ZBTB7C: variants seen among roughly 807,000 people sequenced by gnomAD.
The protein encoded by ZBTB7C is zinc finger and BTB domain-containing protein 7C.
ZBTB7C carries 8 observed loss-of-function variants against 25.7 expected under a neutral mutation model. The observed-to-expected ratio is 0.31, with a 90% CI of 0.18 to 0.56. ZBTB7C has a LOEUF of 0.56. Ranked by LOEUF, ZBTB7C falls within the 20% of genes least tolerant of loss-of-function variation. ZBTB7C has a pLI of 0.91. For synonymous variants in ZBTB7C, 394 were observed against 369.0 expected (o/e 1.07, Z -0.78); for missense variants, 824 against 855.2 (o/e 0.96, Z 0.46).
intron 3 of ZBTB7C, among the ~76,000 whole-genome samples, chr18:48,091,780 C>T (rs1351727367): frequency 6.6e-6 from 1 of 152,178 alleles, no homozygotes; most frequent in Non-Finnish European, 1.5e-5. Context: ...CTCTGCCCAT[C>T]TCACCCACTG....
intron 3 of ZBTB7C, among the ~76,000 whole-genome samples, chr18:48,160,600 A>G (rs2040978539): frequency 6.6e-6 from 1 of 152,240 alleles, no homozygotes; most frequent in Non-Finnish European, 1.5e-5. Context: ...GATCTATTAA[A>G]TAACATCCCT....
chr18:48,052,649 G>A (rs559269879), intron 3 of ZBTB7C, among the ~76,000 whole-genome samples: 2 of 152,282 alleles, frequency 1.3e-5, no homozygotes, highest in South Asian at 2.1e-4. Flanking sequence ...AGGCTGGGAA[G>A]TACCCAGGTG....
chr18:48,338,846 G>A (rs897775855), intron 1 of ZBTB7C, among the ~76,000 whole-genome samples: 1 of 151,154 alleles, frequency 6.6e-6, no homozygotes, highest in Non-Finnish European at 1.5e-5. Context: ...ACGTTTATGT[G>A]GAACATTCCT....
intron 2 of ZBTB7C, among the ~76,000 whole-genome samples, chr18:48,271,199 G>A (rs1244163802): frequency 6.6e-6 from 1 of 152,120 alleles, no homozygotes; most frequent in Non-Finnish European, 1.5e-5. Context: ...AAAGCAAACT[G>A]TCTCAGAGAA....
At chr18:48,092,891 A>G (rs2038471955) in intron 3 of ZBTB7C, among the ~76,000 whole-genome samples, 1 of 152,336 alleles carries the variant, frequency 6.6e-6, no homozygotes, top group East Asian at 1.9e-4. Context: ...AGGCTGATAG[A>G]TCAAACTTTT....
At chr18:48,339,871 C>CCGCTT (rs1458800670) in intron 1 of ZBTB7C, among the ~76,000 whole-genome samples, 9 of 152,124 alleles carry the variant, frequency 5.9e-5, no homozygotes, top group African/African-American at 2.2e-4. Flanking sequence ...AAGAAATTGG[C>CCGCTT]TGCGATAAAC....
chr18:48,336,735 C>T (rs2046466423), intron 2 of ZBTB7C, among the ~76,000 whole-genome samples: 1 of 152,192 alleles, frequency 6.6e-6, no homozygotes, highest in Non-Finnish European at 1.5e-5. Flanking sequence ...CCTCACCCAC[C>T]TACCTCCAGG....
At chr18:48,253,966 C>T (rs2043945459) in intron 2 of ZBTB7C, among the ~76,000 whole-genome samples, 1 of 152,120 alleles carries the variant, frequency 6.6e-6, no homozygotes, top group Non-Finnish European at 1.5e-5. Flanking sequence ...ATCCTAAATT[C>T]CAGCAAAACA....
intron 3 of ZBTB7C, among the ~76,000 whole-genome samples, chr18:48,146,406 ATT>A (rs2040498422): frequency 6.6e-6 from 1 of 152,210 alleles, no homozygotes; most frequent in South Asian, 2.1e-4. Context: ...AGTTTATATA[ATT>A]TTGGCTACTT....
chr18:48,029,262 AGTT>A lies in ZBTB7C; in HGVS notation c.1855_1857del (p.Asn619del). 6.5e-7 allele frequency: 1 copy of A among 1,537,556 alleles called. No individual in the cohort carries two copies. The highest frequency in any genetic ancestry group is 8.7e-7 in the Non-Finnish European group (1 of 1,148,996). The stretch of plus-strand genomic sequence containing the variant: ...GGCTGGAGCCGACAGGGACCAGCCT[AGTT>A]GTTGGCTTCGGACATGGAGGCCACG... On this transcript the variant is annotated inframe_deletion, in exon 5 of 5. Coordinates refer to ENST00000590800, the MANE Select transcript of ZBTB7C (RefSeq NM_001318841.2).
At chr18:48,179,117 T>G (rs76389262) in intron 3 of ZBTB7C, among the ~76,000 whole-genome samples, 4,799 of 152,312 alleles carry the variant, frequency 0.032, 110 homozygotes, top group Non-Finnish European at 0.047. Context: ...ATAATGCAGA[T>G]AATTCCATTT....
intron 2 of ZBTB7C, among the ~76,000 whole-genome samples, chr18:48,299,415 G>C (rs1375658087): frequency 1.3e-5 from 2 of 152,194 alleles, no homozygotes; most frequent in African/African-American, 4.8e-5. Context: ...ATCCACCGAA[G>C]GGAGAACAGA....
intron 3 of ZBTB7C, among the ~76,000 whole-genome samples, chr18:48,048,125 G>C (rs532328790): frequency 3.1e-4 from 47 of 152,316 alleles, no homozygotes; most frequent in African/African-American, 1.1e-3. Flanking sequence ...AGCAGAGGGG[G>C]CTGAGACCCA....
At chr18:48,328,544 T>C (rs1315349873) in intron 2 of ZBTB7C, among the ~76,000 whole-genome samples, 1 of 152,218 alleles carries the variant, frequency 6.6e-6, no homozygotes, top group Non-Finnish European at 1.5e-5. Flanking sequence ...GCCCAAATGA[T>C]GTCCAAAGTA....
chr18:48,334,543 C>G (rs1233490148), intron 2 of ZBTB7C, among the ~76,000 whole-genome samples: 6 of 152,204 alleles, frequency 3.9e-5, no homozygotes, highest in Non-Finnish European at 7.3e-5. Flanking sequence ...TTCACATACA[C>G]TATCTCATTT....
At chr18:48,384,220 C>T (rs906379619) in intron 1 of ZBTB7C, among the ~76,000 whole-genome samples, 1 of 149,266 alleles carries the variant, frequency 6.7e-6, no homozygotes, top group African/African-American at 2.4e-5. Flanking sequence ...GGACAAGCCC[C>T]ACCCACAGCC....
chr18:48,098,837 C>A (rs36012307), intron 3 of ZBTB7C, among the ~76,000 whole-genome samples: 1 of 152,060 alleles, frequency 6.6e-6, no homozygotes, highest in Non-Finnish European at 1.5e-5. Context: ...CTTTTTCCTG[C>A]GGCACTGAAA....
At chr18:48,125,869 A>G (rs1017684255) in intron 3 of ZBTB7C, among the ~76,000 whole-genome samples, 1 of 152,182 alleles carries the variant, frequency 6.6e-6, no homozygotes, top group African/African-American at 2.4e-5. Context: ...ACGCATTCTA[A>G]GAATGCAAGA....
intron 2 of ZBTB7C, among the ~76,000 whole-genome samples, chr18:48,207,557 A>G (rs1386737731): frequency 1.3e-5 from 2 of 150,364 alleles, no homozygotes. Context: ...TCATCTATCT[A>G]TCCACTGCCT....
Sources: gnomAD v4.1 joint callset for allele counts (sites outside exome capture counted in the v4.1 genomes callset) on GRCh38, gnomAD v4.1.1 for gene constraint, MANE v1.5 for transcripts, NCBI Gene and HGNC (gene_info 2026-07-23, HGNC 2026-07-21) for gene names.